Variants in GOT1 observed in about 807,000 individuals in gnomAD.
The protein encoded by GOT1 is aspartate aminotransferase, cytoplasmic.
Under a neutral mutation model 48.2 loss-of-function variants are expected in GOT1, and 25 were observed. The observed-to-expected ratio is 0.52, with a 90% CI of 0.38 to 0.72. The LOEUF (loss-of-function observed/expected upper bound fraction) is 0.72, where lower values mean the gene tolerates loss of function less well. Ranked by LOEUF, GOT1 falls within the 30% of genes least tolerant of loss-of-function variation. GOT1 has a pLI of 0.00. For synonymous variants in GOT1, 188 were observed against 193.8 expected, an observed-to-expected ratio of 0.97 and a Z score of 0.25; for missense variants, 380 against 520.1, an observed-to-expected ratio of 0.73 and a Z score of 2.62.
intron 5 of GOT1, among the ~76,000 whole-genome samples, chr10:99,405,093 C>A (rs962297286): frequency 2.0e-5 from 3 of 152,198 alleles, no homozygotes; most frequent in African/African-American, 7.2e-5. Flanking sequence ...TCCATCTCCC[C>A]AAACAGGCTG....
chr10:99,422,305 C>T (rs1294918768), intron 1 of GOT1, among the ~76,000 whole-genome samples: 2 of 152,240 alleles, frequency 1.3e-5, no homozygotes, highest in African/African-American at 4.8e-5. Flanking sequence ...CTTATATGGC[C>T]GGTGGAACTA....
chr10:99,425,549 G>C (rs2033028121), intron 1 of GOT1, among the ~76,000 whole-genome samples: 1 of 152,160 alleles, frequency 6.6e-6, no homozygotes, highest in Non-Finnish European at 1.5e-5. Flanking sequence ...ATGAGGCCTT[G>C]AATTCACACA....
At chr10:99,407,654 G>C (rs1348729018) in intron 2 of GOT1, among the ~76,000 whole-genome samples, 1 of 151,824 alleles carries the variant, frequency 6.6e-6, no homozygotes, top group Non-Finnish European at 1.5e-5. Context: ...GGTTGGTCTC[G>C]AACTCCTGAC....
intron 2 of GOT1, among the ~76,000 whole-genome samples, chr10:99,407,591 C>T (rs1209541371): frequency 6.6e-6 from 1 of 151,898 alleles, no homozygotes; most frequent in Non-Finnish European, 1.5e-5. Context: ...TGCCACCATG[C>T]CCGGCTAATT....
At chr10:99,420,240 A>ATGTG (rs2032949334) in intron 2 of GOT1, 1 of 171,568 alleles carries the variant, frequency 5.8e-6, no homozygotes, top group Non-Finnish European at 1.3e-5. Flanking sequence ...GACTCGCACT[A>ATGTG]TGTGGTCTTT....
intron 2 of GOT1, among the ~76,000 whole-genome samples, chr10:99,415,949 A>G (rs952112515): frequency 6.6e-6 from 1 of 152,214 alleles, no homozygotes; most frequent in Non-Finnish European, 1.5e-5. Flanking sequence ...TCTCAAAATA[A>G]TAAGAGCTAT....
At chr10:99,430,327 C>T in intron 1 of GOT1, 121 bp downstream of exon 1, 4 of 1,602,262 alleles carry the variant, frequency 2.5e-6, no homozygotes, top group Non-Finnish European at 3.4e-6. Context: ...GCCTCCTCTC[C>T]GGCGCCGCCC....
intron 1 of GOT1, among the ~76,000 whole-genome samples, chr10:99,421,399 C>A (rs528015522): frequency 6.6e-6 from 1 of 152,210 alleles, no homozygotes; most frequent in African/African-American, 2.4e-5. Context: ...ACAGGTGACA[C>A]AATCACCCAA....
chr10:99,413,285 T>G (rs545807669), intron 2 of GOT1, among the ~76,000 whole-genome samples: 10 of 152,208 alleles, frequency 6.6e-5, no homozygotes, highest in Admixed American at 1.3e-4. Context: ...GAGAACTACA[T>G]GACGAATGCA....
chr10:99,398,159 A>G (rs1034280591), intron 8 of GOT1, among the ~76,000 whole-genome samples: 13 of 152,294 alleles, frequency 8.5e-5, no homozygotes, highest in African/African-American at 3.1e-4. Context: ...TACCTGATCA[A>G]TCCTGTGTGA....
intron 5 of GOT1, among the ~76,000 whole-genome samples, chr10:99,404,727 C>G (rs559116917): frequency 6.6e-6 from 1 of 152,132 alleles, no homozygotes; most frequent in Non-Finnish European, 1.5e-5. Flanking sequence ...TCCCCGACAT[C>G]CAAGATTTCA....
intron 2 of GOT1, 85 bp downstream of exon 2, chr10:99,420,539 G>T: frequency 9.8e-7 from 1 of 1,022,796 alleles, no homozygotes; most frequent in Non-Finnish European, 1.4e-6. Flanking sequence ...TAGACATAAC[G>T]CCTAATATTT....
chr10:99,408,520 C>T (rs2032790278), intron 2 of GOT1, among the ~76,000 whole-genome samples: 1 of 152,110 alleles, frequency 6.6e-6, no homozygotes, highest in Admixed American at 6.5e-5. Context: ...AGTTTGAGAC[C>T]AGCCTGGCCA....
chr10:99,416,772 C>T (rs2134105555), intron 2 of GOT1, among the ~76,000 whole-genome samples: 1 of 152,216 alleles, frequency 6.6e-6, no homozygotes, highest in East Asian at 1.9e-4. Flanking sequence ...AGAAATAATA[C>T]CACACATCTA....
At chr10:99,400,774 C>G (rs951184116) in intron 8 of GOT1, among the ~76,000 whole-genome samples, 7 of 152,162 alleles carry the variant, frequency 4.6e-5, no homozygotes, top group Admixed American at 2.6e-4. Context: ...AACCCTGTCT[C>G]TACTAAAAAT....
intron 2 of GOT1, among the ~76,000 whole-genome samples, chr10:99,415,135 A>C (rs1337875192): frequency 6.6e-6 from 1 of 152,214 alleles, no homozygotes; most frequent in East Asian, 1.9e-4. Flanking sequence ...ACCCTTCAAA[A>C]AATCAATGAA....
chr10:99,425,868 G>A (rs1178216706), intron 1 of GOT1, among the ~76,000 whole-genome samples: 1 of 152,158 alleles, frequency 6.6e-6, no homozygotes, highest in Non-Finnish European at 1.5e-5. Flanking sequence ...ATGAGGTCTG[G>A]GGCATGGAGA....
intron 2 of GOT1, among the ~76,000 whole-genome samples, chr10:99,412,169 A>G (rs566673562): frequency 1.2e-4 from 19 of 152,270 alleles, no homozygotes; most frequent in Admixed American, 4.6e-4. Flanking sequence ...AGGGCCCAGT[A>G]GGTCTAGAGA....
At position 99,406,809 on chromosome 10, in the gene GOT1, C is replaced by T. The variant is rs1032765433; in HGVS notation, c.341G>A (p.Arg114Gln). The T allele has an allele frequency of 4.3e-6, 7 of 1,613,750 alleles. No individual in the cohort carries two copies. The highest frequency in any genetic ancestry group is 5.9e-6 in the Non-Finnish European group (7 of 1,179,690). Reference protein sequence around the residue: ...VQSLGGTGALRIGADFLARWY... With the variant: ...VQSLGGTGALQIGADFLARWY... ...ACGCGCTAAGAAATCAGCTCCAATTCGAAGTGCACCTGTTCCCCCCAAAGA... is the reference window on the plus strand; with the variant it reads ...ACGCGCTAAGAAATCAGCTCCAATTTGAAGTGCACCTGTTCCCCCCAAAGA... Residue 114 changes from arginine (R) to glutamine (Q), a missense_variant, in exon 3 of 9, where the codon CGA becomes CAA. By Grantham distance (43) the Arg-to-Gln change is conservative. Coordinates refer to ENST00000370508, the MANE Select transcript of GOT1 (RefSeq NM_002079.3).
Sources: allele counts gnomAD v4.1 joint callset (sites outside exome capture counted in the v4.1 genomes callset), GRCh38; gene constraint gnomAD v4.1.1; transcripts MANE v1.5; gene names NCBI Gene and HGNC (gene_info 2026-07-23, HGNC 2026-07-21).